The following CEP104 variants were observed in gnomAD, a reference collection of about 807,000 sequenced individuals.
CEP104 encodes the protein centrosomal protein of 104 kDa.
A neutral mutation model predicts 113.3 loss-of-function variants in CEP104; 84 were observed. That is an observed-to-expected ratio of 0.74 (90% confidence interval 0.62 to 0.89). CEP104 has a LOEUF of 0.89. Ranked by LOEUF, CEP104 falls within the 40% of genes least tolerant of loss-of-function variation. The pLI, the probability that CEP104 is intolerant of heterozygous loss-of-function variation, is 0.00. For synonymous variants in CEP104, 378 were observed against 421.7 expected (o/e 0.90, Z 1.27); for missense variants, 1,053 against 1,156.6 (o/e 0.91, Z 1.30).
intron 7 of CEP104, 72 bp downstream of exon 7, chr1:3,839,536 T>C (rs1394942142): frequency 5.9e-6 from 8 of 1,354,178 alleles, no homozygotes; most frequent in African/African-American, 2.9e-5. Flanking sequence ...TCTTTTACCA[T>C]GTAGTTATTC....
chr1:3,852,458 A>C, intron 1 of CEP104, 37 bp from the exon 2 acceptor site: 1 of 1,579,216 alleles, frequency 6.3e-7, no homozygotes, highest in Non-Finnish European at 8.6e-7. Flanking sequence ...TTTAAAACAA[A>C]GGAATTCACT....
Position 3,819,295 on chromosome 1 carries a change from G to A in CEP104, c.2572-2925C>T, listed in dbSNP as rs1643926949. ...CCATGGAGACCAAAACTAGACATAT[G>A]GTCGCCAGGGGCTGGAGAGGGGGCT... On this transcript the variant is annotated intron_variant, in intron 20 of 21. Transcript: ENST00000378230. This position sits in a 1 kb window ranked among gnomAD's most constrained non-coding sequence, Gnocchi z 4.6. Among the ~76,000 whole-genome samples, 1 of 152,176 alleles carries A rather than the reference G, an allele frequency of 6.6e-6. No individual in the cohort carries two copies. The highest frequency in any genetic ancestry group is 2.4e-5 in the African/African-American group (1 of 41,424).
At chr1:3,824,728 A>T (rs1026859888) in intron 18 of CEP104, among the ~76,000 whole-genome samples, 1 of 151,586 alleles carries the variant, frequency 6.6e-6, no homozygotes, top group Non-Finnish European at 1.5e-5. Context: ...CAGGCACTCC[A>T]CCTCATCTTC....
At chr1:3,845,156 A>G (rs1434804544) in intron 5 of CEP104, 133 bp downstream of exon 5, 3 of 851,458 alleles carry the variant, frequency 3.5e-6, no homozygotes, top group East Asian at 2.5e-5. Flanking sequence ...GCTCCTAAAA[A>G]TCATCTGAAA....
intron 4 of CEP104, among the ~76,000 whole-genome samples, 195 bp from the exon 5 acceptor site, chr1:3,845,546 C>G (rs1452569137): frequency 6.6e-6 from 1 of 152,112 alleles, no homozygotes; most frequent in African/African-American, 2.4e-5. Flanking sequence ...GCTGGGACTA[C>G]AGGTGTGAGC....
rs1643829641 is a variant in CEP104, at chr1:3,813,620, G to A, written c.*1782C>T. The A allele has an allele frequency of 2.6e-5, 4 of 151,048 alleles. No individual in the cohort carries two copies. The highest frequency in any genetic ancestry group is 9.7e-5 in the African/African-American group (4 of 41,238). The allele number at this position is 151,048 out of a possible 1,614,324, so 9.4% of individuals were successfully genotyped here. Reference sequence around the variant, plus strand: ...AATCCCAGCACTTTGGGAGGCCAAGGTGGGCAGATTATGAGGTCACGAGTT... The same window carrying A: ...AATCCCAGCACTTTGGGAGGCCAAGATGGGCAGATTATGAGGTCACGAGTT... On this transcript the variant is annotated 3_prime_UTR_variant, in exon 22 of 22. Coordinates refer to ENST00000378230, the MANE Select transcript of CEP104 (RefSeq NM_014704.4).
intron 6 of CEP104, chr1:3,843,165 C>T (rs1382761958): frequency 5.9e-6 from 4 of 682,100 alleles, no homozygotes; most frequent in Non-Finnish European, 1.1e-5. Context: ...TTAGACCAGG[C>T]ACCTCTGGAA....
At position 3,816,376 on chromosome 1, in the gene CEP104, G is replaced by A. The variant is rs751119656; in HGVS notation, c.2572-6C>T. 4 of 1,548,678 alleles carry A rather than the reference G, an allele frequency of 2.6e-6. No homozygotes were observed. Among genetic ancestry groups the A allele is most frequent in the Middle Eastern group, 1.7e-4 (1 of 5,948 alleles). On this transcript the variant is annotated splice_polypyrimidine_tract_variant and splice_region_variant and intron_variant, in intron 20 of 21. Coordinates refer to ENST00000378230, the MANE Select transcript of CEP104 (RefSeq NM_014704.4). The stretch of plus-strand genomic sequence containing the variant: ...ATCAGGTGAGCTTTCCATGCCTGCA[G>A]CAGAGGAGGCACACAGAGTGTTAAT...
In CEP104 at chr1:3,837,280, A is replaced by C; in HGVS notation, c.1119+12T>G. The C allele has an allele frequency of 6.3e-7, 1 of 1,595,832 alleles. No individual in the cohort carries two copies. The highest frequency in any genetic ancestry group is 8.6e-7 in the Non-Finnish European group (1 of 1,164,518). ...AATAAATTGAACGCCAATCTGAAACAGAATTACCTACATTGATCTTTGGAT... is the reference window on the plus strand; with the variant it reads ...AATAAATTGAACGCCAATCTGAAACCGAATTACCTACATTGATCTTTGGAT... On this transcript the variant is annotated intron_variant, in intron 9 of 21. Coordinates refer to ENST00000378230, the MANE Select transcript of CEP104 (RefSeq NM_014704.4).
Position 3,823,014 on chromosome 1 carries a change from G to C in CEP104, c.2571+160C>G, listed in dbSNP as rs779947599. 3.0e-6 allele frequency: 2 copies of C among 667,584 alleles called. No individual in the cohort carries two copies. Among genetic ancestry groups the C allele is most frequent in the South Asian group, 1.9e-5 (1 of 53,886 alleles). 41.4% of individuals were successfully genotyped at this position (667,584 alleles called of 1,614,324 possible). On this transcript the variant is annotated intron_variant, in intron 20 of 21. Coordinates refer to ENST00000378230, the MANE Select transcript of CEP104 (RefSeq NM_014704.4). The surrounding 1 kb of genome is among the most constrained non-coding windows in gnomAD (Gnocchi z 4.1). ...ATGTGAACACGTAGGTAAACGGAAC[G>C]ACTGCTCAGACAGGGCTCACTAGAC...
rs1482496915 is a variant in CEP104, at chr1:3,836,569, C to A, written c.1243G>T (p.Gly415Trp). Residue 415 changes from glycine (G) to tryptophan (W), a missense_variant, in exon 10 of 22, where the codon GGG becomes TGG. By Grantham distance (184) the Gly-to-Trp change is radical. Transcript: ENST00000378230. ...ISDARRGGML[G>W]EPEPLTEKAL... The stretch of plus-strand genomic sequence containing the variant: ...TTCTCGGTTAAGGGCTCTGGCTCCC[C>A]TAACATGCCTCCCCTCCGAGCATCG... The A allele has an allele frequency of 4.3e-6, 7 of 1,612,768 alleles. No homozygotes were observed. The African/African-American group carries it at 8.1e-5, about 19-fold the overall frequency.
chr1:3,849,338 C>T (rs937715878), intron 2 of CEP104, among the ~76,000 whole-genome samples: 3 of 150,066 alleles, frequency 2.0e-5, no homozygotes, highest in Non-Finnish European at 4.4e-5. Context: ...TTATGGCTCA[C>T]TGCATCTTTG....
At chr1:3,820,849 A>G (rs1309865148) in intron 20 of CEP104, among the ~76,000 whole-genome samples, 4 of 152,180 alleles carry the variant, frequency 2.6e-5, no homozygotes, top group African/African-American at 9.7e-5. Context: ...AGTGGGGGCC[A>G]AGGTGAACTG....
chr1:3,853,983 G>A (rs967645332), intron 1 of CEP104, among the ~76,000 whole-genome samples: 7 of 152,200 alleles, frequency 4.6e-5, no homozygotes, highest in Non-Finnish European at 4.4e-5. Context: ...TTAACCCACT[G>A]TTAGCTGCAC....
In CEP104 at chr1:3,831,144, AAG is replaced by A; in HGVS notation, c.1736_1737del (p.Ser579PhefsTer29). 1 of 1,614,238 alleles carries A rather than the reference AAG, an allele frequency of 6.2e-7. No individual in the cohort carries two copies. The highest frequency in any genetic ancestry group is 8.5e-7 in the Non-Finnish European group (1 of 1,180,040). On this transcript the variant is annotated frameshift_variant, in exon 13 of 22. Coordinates refer to ENST00000378230, the MANE Select transcript of CEP104 (RefSeq NM_014704.4). LOFTEE classifies it high-confidence loss of function. ...SYLVQPLKAN[S>X]SVHLAMSQMG... ...ATCTGACTCATTGCCAGGTGAACTG[AAG>A]AGTTTGCTTTCAATGGCTGCACCAG...
rs1643866381 is a variant in CEP104, at chr1:3,815,454, G to A, written c.2726C>T (p.Thr909Ile). The change falls in exon 22 of 22, where the codon ACC becomes ATC. Residue 909 changes from threonine to isoleucine, a missense_variant. Transcript: ENST00000378230. Reference sequence around the variant, plus strand: ...GCTCTTGCTCAGTCCGCCCTTCGGGGTGGGGATCTTGCTTCCGGCCTTTGA... The same window carrying A: ...GCTCTTGCTCAGTCCGCCCTTCGGGATGGGGATCTTGCTTCCGGCCTTTGA... ...LGSKAGSKIP[T>I]PKGGLSKSSS... The A allele has an allele frequency of 6.2e-7, 1 of 1,613,388 alleles. No individual in the cohort carries two copies. Among genetic ancestry groups the A allele is most frequent in the Admixed American group, 1.7e-5 (1 of 59,976 alleles).
At chr1:3,830,311 C>T (rs143180766) in intron 13 of CEP104, among the ~76,000 whole-genome samples, 10 of 151,910 alleles carry the variant, frequency 6.6e-5, no homozygotes, top group South Asian at 2.1e-4. Flanking sequence ...CCTGCGTAGC[C>T]GATGTGCAGA....
Position 3,836,543 on chromosome 1 carries a change from C to T in CEP104, c.1269G>A (p.Lys423=), listed in dbSNP as rs1264783747. Residue 423 remains lysine (K), a synonymous_variant, in exon 10 of 22, where the codon AAG becomes AAA. Transcript: ENST00000378230. ...MLGEPEPLTE[K]ALREASSAID... The stretch of plus-strand genomic sequence containing the variant: ...TGGCAGAGCTGGCTTCTCTCAAGGC[C>T]TTCTCGGTTAAGGGCTCTGGCTCCC... 4 of 1,596,222 alleles carry T rather than the reference C, an allele frequency of 2.5e-6. No individual in the cohort carries two copies. The South Asian group carries it at 4.4e-5, about 18-fold the overall frequency.
chr1:3,853,924 G>A (rs1021804913), intron 1 of CEP104, among the ~76,000 whole-genome samples: 11 of 152,058 alleles, frequency 7.2e-5, no homozygotes, highest in African/African-American at 1.9e-4. Flanking sequence ...GTGAGACCCC[G>A]TTTCTAAAAA....
Sources: gnomAD v4.1 joint callset for allele counts (sites outside exome capture counted in the v4.1 genomes callset) on GRCh38, gnomAD v4.1.1 for gene constraint, Gnocchi (gnomAD v3.1) non-coding constraint, MANE v1.5 for transcripts, NCBI Gene and HGNC (gene_info 2026-07-23, HGNC 2026-07-21) for gene names.